The following AIF1L variants were observed in gnomAD, a reference collection of about 807,000 sequenced individuals.
The protein encoded by AIF1L is allograft inflammatory factor 1-like.
Under a neutral mutation model 20.7 loss-of-function variants are expected in AIF1L, and 12 were observed. The observed-to-expected ratio is 0.58, with a 90% CI of 0.37 to 0.94. The LOEUF is 0.94. Ranked by LOEUF, AIF1L falls within the 40% of genes least tolerant of loss-of-function variation. The probability of loss-of-function intolerance (pLI) is 0.01; values close to 1 mark genes in which losing one functional copy is unlikely to be tolerated. For synonymous variants in AIF1L, 76 were observed against 65.1 expected (o/e 1.17, Z -0.81); for missense variants, 173 against 185.3 (o/e 0.93, Z 0.39).
chr9:131,100,119 T>C (rs1830605450), intron 2 of AIF1L, among the ~76,000 whole-genome samples: 1 of 152,104 alleles, frequency 6.6e-6, no homozygotes, highest in Admixed American at 6.6e-5. Flanking sequence ...CTCAGCTCAT[T>C]GCAGCCTCTA....
At chr9:131,106,323 C>T (rs1202132696) in intron 2 of AIF1L, 7 of 1,255,158 alleles carry the variant, frequency 5.6e-6, no homozygotes, top group Middle Eastern at 1.8e-4. Flanking sequence ...GTTTATTGAG[C>T]GTCTGCTATG....
intron 2 of AIF1L, chr9:131,107,931 T>C (rs1256395122): frequency 1.3e-5 from 2 of 152,112 alleles, no homozygotes; most frequent in Non-Finnish European, 2.9e-5. Flanking sequence ...CGAAGAGCTA[T>C]GAGAGGGAGC....
At position 131,104,946 on chromosome 9, in the gene AIF1L, G is replaced by A. The variant is rs189487170; in HGVS notation, c.94-6651G>A. On this transcript the variant is annotated intron_variant, in intron 2 of 5. Coordinates refer to ENST00000247291, the MANE Select transcript of AIF1L (RefSeq NM_031426.4). ...AGCCATGAAGTGGATTCAAACTCAG[G>A]CATTCTGGCTCCAGTCTGCCTTTTT... 2.9e-3 allele frequency among the ~76,000 whole-genome samples: 443 copies of A among 150,422 alleles called. 3 individuals carry two copies. Among genetic ancestry groups the A allele is most frequent in the African/African-American group, 0.01 (429 of 40,944 alleles).
chr9:131,101,732 A>G (rs938624907), intron 2 of AIF1L, among the ~76,000 whole-genome samples: 4 of 152,032 alleles, frequency 2.6e-5, no homozygotes, highest in African/African-American at 9.7e-5. Context: ...CAGATCTGGG[A>G]TTCAAACCCA....
Position 131,096,677 on chromosome 9 carries a change from C to G in AIF1L, c.31+17C>G. ...GGTTCCAAGGTAGGCGCCGCCGTCCCCGAGCAGCCACCTGTGCGCGCCGGG... is the reference window on the plus strand; with the variant it reads ...GGTTCCAAGGTAGGCGCCGCCGTCCGCGAGCAGCCACCTGTGCGCGCCGGG... On this transcript the variant is annotated intron_variant, in intron 1 of 5. Transcript: ENST00000247291. 6.8e-7 allele frequency: 1 copy of G among 1,474,180 alleles called. No homozygotes were observed. The highest frequency in any genetic ancestry group is 8.9e-7 in the Non-Finnish European group (1 of 1,119,974). 91.3% of individuals were successfully genotyped at this position (1,474,180 alleles called of 1,614,324 possible). A position where few individuals can be genotyped will look rare whatever the true frequency, so the allele number is the denominator to read the frequency against.
At chr9:131,106,050 C>T in intron 2 of AIF1L, 1 of 959,300 alleles carries the variant, frequency 1.0e-6, no homozygotes, top group South Asian at 1.8e-5. Flanking sequence ...AACTTCTGGC[C>T]TCAAGTGATC....
chr9:131,097,714 G>C (rs953592963), intron 2 of AIF1L, among the ~76,000 whole-genome samples: 14 of 152,224 alleles, frequency 9.2e-5, no homozygotes, highest in Non-Finnish European at 2.1e-4. Flanking sequence ...TGGCTTTAAA[G>C]TTCTGCAAGA....
chr9:131,120,507 C>A lies in AIF1L; in HGVS notation c.*185C>A, dbSNP rs1215021932. The A allele has an allele frequency of 1.8e-6, 1 of 546,136 alleles. No homozygotes were observed. The allele number at this position is 546,136 out of a possible 1,614,324, so 33.8% of individuals were successfully genotyped here. ...TTAAAGGGGCTCTGGGTCGGGGAAT[C>A]CTGAGCCTTGGGTCCCCTCCCTCTC... On this transcript the variant is annotated 3_prime_UTR_variant, in exon 6 of 6. Coordinates refer to ENST00000247291, the MANE Select transcript of AIF1L (RefSeq NM_031426.4).
intron 4 of AIF1L, among the ~76,000 whole-genome samples, chr9:131,115,985 A>AG (rs1209647374): frequency 6.6e-6 from 1 of 151,780 alleles, no homozygotes; most frequent in East Asian, 1.9e-4. Context: ...AAAAAAAAAA[A>AG]AAAAAAATTT....
At chr9:131,115,160 G>T (rs1378630997) in intron 4 of AIF1L, among the ~76,000 whole-genome samples, 1 of 152,074 alleles carries the variant, frequency 6.6e-6, no homozygotes, top group Non-Finnish European at 1.5e-5. Flanking sequence ...ACTCAGAAAG[G>T]TGAAATGGGC....
In AIF1L at chr9:131,121,268, C is replaced by A. The variant is rs147138920; in HGVS notation, c.*946C>A. 7 of 601,634 alleles carry A rather than the reference C, an allele frequency of 1.2e-5. No individual in the cohort carries two copies. The highest frequency in any genetic ancestry group is 2.1e-5 in the Non-Finnish European group (7 of 327,956). 37.3% of individuals were successfully genotyped at this position (601,634 alleles called of 1,614,324 possible). A position where few individuals can be genotyped will look rare whatever the true frequency, so the allele number is the denominator to read the frequency against. On this transcript the variant is annotated 3_prime_UTR_variant, in exon 6 of 6. Transcript: ENST00000247291. The stretch of plus-strand genomic sequence containing the variant: ...TGCTTCTCTCATTTGTCTTCCTACC[C>A]TACTCACATAATTCACTCATTGACT...
chr9:131,117,040 A>G (rs2133406362), intron 4 of AIF1L, among the ~76,000 whole-genome samples: 1 of 152,142 alleles, frequency 6.6e-6, no homozygotes, highest in South Asian at 2.1e-4. Context: ...ATCCAAAGGA[A>G]ATTGCCTCAG....
At chr9:131,108,380 A>C (rs993439545) in intron 2 of AIF1L, among the ~76,000 whole-genome samples, 1 of 151,792 alleles carries the variant, frequency 6.6e-6, no homozygotes, top group Non-Finnish European at 1.5e-5. Context: ...TTGGACTTTT[A>C]GTAGAGACAG....
chr9:131,108,842 A>G (rs754746954), intron 2 of AIF1L, among the ~76,000 whole-genome samples: 88 of 152,324 alleles, frequency 5.8e-4, no homozygotes, highest in South Asian at 1.0e-3. Context: ...GGTACTATTG[A>G]ACCTATTTTA....
chr9:131,121,078 G>GC lies in AIF1L; in HGVS notation c.*756_*757insC, dbSNP rs397816992. The GC allele has an allele frequency of 1.4e-6, 1 of 712,016 alleles. No homozygotes were observed. The highest frequency in any genetic ancestry group is 2.6e-6 in the Non-Finnish European group (1 of 382,384). 44.1% of individuals were successfully genotyped at this position (712,016 alleles called of 1,614,324 possible). A position where few individuals can be genotyped will look rare whatever the true frequency, so the allele number is the denominator to read the frequency against. ...AGAAGTGAGGCCTGGGGTTTTGGGGGAAAGGTCAGCTCAGTGCTGTTCCAC... is the reference window on the plus strand; with the variant it reads ...AGAAGTGAGGCCTGGGGTTTTGGGGGCAAAGGTCAGCTCAGTGCTGTTCCAC... On this transcript the variant is annotated 3_prime_UTR_variant, in exon 6 of 6. Transcript: ENST00000247291.
intron 4 of AIF1L, among the ~76,000 whole-genome samples, chr9:131,115,711 C>T (rs886722458): frequency 6.0e-5 from 9 of 149,970 alleles, no homozygotes; most frequent in African/African-American, 2.0e-4. Context: ...CAGTGTCTCA[C>T]GCCTGTAATC....
intron 4 of AIF1L, among the ~76,000 whole-genome samples, chr9:131,116,129 C>T (rs1012436677): frequency 6.6e-6 from 1 of 152,082 alleles, no homozygotes; most frequent in Non-Finnish European, 1.5e-5. Flanking sequence ...TCTAGCCTTC[C>T]ACTCTTTATT....
intron 2 of AIF1L, chr9:131,108,234 CTG>C (rs926481581): frequency 8.3e-6 from 1 of 121,158 alleles, no homozygotes; most frequent in Non-Finnish European, 1.6e-5. Flanking sequence ...GAGATGGAGT[CTG>C]TGGCCCGGGC....
At position 131,120,801 on chromosome 9, in the gene AIF1L, A is replaced by G. The variant is rs145735788; in HGVS notation, c.*479A>G. 784 of 384,162 alleles carry G rather than the reference A, an allele frequency of 2.0e-3. 4 individuals carry two copies. Among genetic ancestry groups the G allele is most frequent in the African/African-American group, 0.015 (732 of 49,042 alleles). 23.8% of individuals were successfully genotyped at this position (384,162 alleles called of 1,614,324 possible). A position where few individuals can be genotyped will look rare whatever the true frequency, so the allele number is the denominator to read the frequency against. ...TTTCCTTGGACAGTGCCATGGCTCCAGTGCTCTGGTGTCACCCAGGACACA... is the reference window on the plus strand; with the variant it reads ...TTTCCTTGGACAGTGCCATGGCTCCGGTGCTCTGGTGTCACCCAGGACACA... On this transcript the variant is annotated 3_prime_UTR_variant, in exon 6 of 6. Transcript: ENST00000247291.
Sources: allele counts gnomAD v4.1 joint callset (sites outside exome capture counted in the v4.1 genomes callset), GRCh38; gene constraint gnomAD v4.1.1; transcripts MANE v1.5; gene names NCBI Gene and HGNC (gene_info 2026-07-23, HGNC 2026-07-21).